The following FRYL variants were observed in gnomAD, a reference collection of about 807,000 sequenced individuals.
FRYL encodes the protein FRY like transcription coactivator.
A neutral mutation model predicts 351.2 loss-of-function variants in FRYL; 150 were observed. The observed-to-expected ratio is 0.43, with a 90% CI of 0.37 to 0.49. The LOEUF (loss-of-function observed/expected upper bound fraction) is 0.49. FRYL is among the 20% of genes least tolerant of loss of function. The pLI is 0.00. For missense variants in FRYL, 3,036 were observed against 3,619.3 expected, an observed-to-expected ratio of 0.84 and a Z score of 4.13; for synonymous variants, 1,153 against 1,257.1, an observed-to-expected ratio of 0.92 and a Z score of 1.75.
In FRYL at chr4:48,551,472, T is replaced by G. The variant is rs755747289; in HGVS notation, c.4520+22A>C. The G allele has an allele frequency of 3.3e-5, 47 of 1,416,560 alleles. No individual in the cohort carries two copies. In the Admixed American group the frequency reaches 7.5e-4, roughly 23 times the overall value. 87.7% of individuals were successfully genotyped at this position (1,416,560 alleles called of 1,614,324 possible). A position where few individuals can be genotyped will look rare whatever the true frequency, so the allele number is the denominator to read the frequency against. The stretch of plus-strand genomic sequence containing the variant: ...AGTATCTGTCAAACTGAAAGGCTAA[T>G]ACAGAACAGAGAAGTACTTACCTCT... On this transcript the variant is annotated intron_variant, in intron 37 of 63. Coordinates refer to ENST00000358350, the MANE Select transcript of FRYL (RefSeq NM_015030.2).
intron 50 of FRYL, among the ~76,000 whole-genome samples, chr4:48,530,537 A>C (rs1727322014): frequency 6.6e-6 from 1 of 152,146 alleles, no homozygotes; most frequent in Non-Finnish European, 1.5e-5. Context: ...AGATAAAACC[A>C]GTTTGTTACT....
At position 48,585,401 on chromosome 4, in the gene FRYL, G is replaced by A. The variant is rs189123539; in HGVS notation, c.1748+1220C>T. On this transcript the variant is annotated intron_variant, in intron 19 of 63. Coordinates refer to ENST00000358350, the MANE Select transcript of FRYL (RefSeq NM_015030.2). The stretch of plus-strand genomic sequence containing the variant: ...AGTGCCAGGGTGTGTGAAAAGCTAG[G>A]GAAGTGGGGAGAAAGGATTGCTGGA... Among the ~76,000 whole-genome samples the A allele has an allele frequency of 4.5e-3, 683 of 152,282 alleles. 10 individuals carry two copies. The highest frequency in any genetic ancestry group is 2.6e-3 in the Non-Finnish European group (179 of 68,022).
Position 48,662,439 on chromosome 4 carries a change from T to C in FRYL, c.-81+22234A>G, listed in dbSNP as rs1424450255. 2.0e-5 allele frequency among the ~76,000 whole-genome samples: 3 copies of C among 151,994 alleles called. No homozygotes were observed. In the East Asian group the frequency reaches 5.8e-4, roughly 29 times the overall value. ...AAAAAAAATAACAATAACAATAATA[T>C]TTTTTAAATAAAGTAAATTTAGAAA... On this transcript the variant is annotated intron_variant, in intron 3 of 63. Transcript: ENST00000358350.
intron 1 of FRYL, among the ~76,000 whole-genome samples, chr4:48,717,675 G>C (rs1432280768): frequency 6.6e-6 from 1 of 151,430 alleles, no homozygotes; most frequent in Non-Finnish European, 1.5e-5. Context: ...AGGGTACCTA[G>C]AAGTGCAGGA....
At chr4:48,582,843 A>T in intron 19 of FRYL, 109 bp from the exon 20 acceptor site, 1 of 726,094 alleles carries the variant, frequency 1.4e-6, no homozygotes, top group East Asian at 2.5e-5. Flanking sequence ...GTTGTTTTGT[A>T]AGAAATATGA....
intron 3 of FRYL, among the ~76,000 whole-genome samples, chr4:48,663,541 C>T (rs1761184923): frequency 6.6e-6 from 1 of 151,436 alleles, no homozygotes; most frequent in Non-Finnish European, 1.5e-5. Flanking sequence ...GATCTAAAAA[C>T]TGCAAAGAAT....
intron 1 of FRYL, among the ~76,000 whole-genome samples, chr4:48,736,764 C>T (rs181026628): frequency 1.4e-5 from 2 of 146,054 alleles, no homozygotes; most frequent in African/African-American, 5.0e-5. Flanking sequence ...GCAGGAGAAT[C>T]GCTTGTACCT....
At chr4:48,611,178 A>G (rs1748100797) in intron 7 of FRYL, among the ~76,000 whole-genome samples, 1 of 152,138 alleles carries the variant, frequency 6.6e-6, no homozygotes, top group Non-Finnish European at 1.5e-5. Context: ...ATTTGCATAT[A>G]ACACTACATA....
chr4:48,728,449 A>C (rs1320114896), intron 1 of FRYL, among the ~76,000 whole-genome samples: 1 of 152,148 alleles, frequency 6.6e-6, no homozygotes, highest in Non-Finnish European at 1.5e-5. Context: ...GGAGAGGAAC[A>C]GAAGAAATAC....
intron 1 of FRYL, among the ~76,000 whole-genome samples, chr4:48,757,768 G>A (rs1357121015): frequency 7.9e-5 from 12 of 152,216 alleles, no homozygotes; most frequent in East Asian, 7.7e-4. Flanking sequence ...AAAAGAGCCT[G>A]CATCGCCAAG....
intron 54 of FRYL, among the ~76,000 whole-genome samples, chr4:48,522,155 C>G (rs1481002783): frequency 6.6e-6 from 1 of 152,128 alleles, no homozygotes; most frequent in Non-Finnish European, 1.5e-5. Context: ...GTGGCATGCA[C>G]CTGTAGTCCT....
intron 1 of FRYL, among the ~76,000 whole-genome samples, chr4:48,742,992 T>TTTTTTTTTTTTTTTTTTTTTG: frequency 7.0e-6 from 1 of 141,964 alleles, no homozygotes; most frequent in Non-Finnish European, 1.5e-5. Flanking sequence ...TTTTTTTTTT[T>TTTTTTTTTTTTTTTTTTTTTG]TTTTTTACTA....
chr4:48,642,039 C>T (rs1211042148), intron 3 of FRYL, among the ~76,000 whole-genome samples: 1 of 152,042 alleles, frequency 6.6e-6, no homozygotes, highest in Non-Finnish European at 1.5e-5. Context: ...GGTTCATTTA[C>T]TGAAATTCTG....
At position 48,498,834 on chromosome 4, in the gene FRYL, A is replaced by ATAAT. The variant is rs1182556285; in HGVS notation, c.*584_*587dup. 2 of 153,602 alleles carry ATAAT rather than the reference A, an allele frequency of 1.3e-5. No homozygotes were observed. Among genetic ancestry groups the ATAAT allele is most frequent in the Non-Finnish European group, 2.9e-5 (2 of 68,776 alleles). The allele number at this position is 153,602 out of a possible 1,614,324, so 9.5% of individuals were successfully genotyped here. On this transcript the variant is annotated 3_prime_UTR_variant, in exon 64 of 64. Transcript: ENST00000358350. ...TCCATACATCCCAACTCACACACAC[A>ATAAT]TAATTCCTTATACAGACCAAAAAAC...
chr4:48,616,519 A>G (rs1383254996), intron 7 of FRYL, among the ~76,000 whole-genome samples: 1 of 152,156 alleles, frequency 6.6e-6, no homozygotes, highest in East Asian at 1.9e-4. Flanking sequence ...AACTTGCCCA[A>G]AGTTACAAAG....
rs567404372 is a variant in FRYL, at chr4:48,663,365, A to T, written c.-81+21308T>A. Among the ~76,000 whole-genome samples the T allele has an allele frequency of 1.5e-3, 223 of 150,746 alleles. 1 individual carries two copies. Among genetic ancestry groups the T allele is most frequent in the African/African-American group, 5.2e-3 (214 of 41,342 alleles). On this transcript the variant is annotated intron_variant, in intron 3 of 63. Transcript: ENST00000358350. ...AATTTAATTTAATTTATATATACAT[A>T]AAATAAGCCAAGAATAGAATAAATT...
intron 59 of FRYL, among the ~76,000 whole-genome samples, chr4:48,507,081 G>T (rs1224866615): frequency 6.6e-6 from 1 of 152,012 alleles, no homozygotes; most frequent in Non-Finnish European, 1.5e-5. Flanking sequence ...GCCTTATCTT[G>T]TCCAGTTTGT....
intron 53 of FRYL, 151 bp from the exon 54 acceptor site, chr4:48,523,255 T>A (rs1725282538): frequency 1.7e-6 from 1 of 594,582 alleles, no homozygotes; most frequent in South Asian, 2.1e-5. Context: ...TTCTTTAAAC[T>A]GTTAACACAC....
Position 48,715,322 on chromosome 4 carries a change from G to A in FRYL, c.-383-4624C>T, listed in dbSNP as rs1351541356. ...AAAGGGTATTCAATTAGGAAAAGAGGGAGTCAAATTGTCCCTGTTTGCAGA... is the reference window on the plus strand; with the variant it reads ...AAAGGGTATTCAATTAGGAAAAGAGAGAGTCAAATTGTCCCTGTTTGCAGA... On this transcript the variant is annotated intron_variant, in intron 1 of 63. Transcript: ENST00000358350. Among the ~76,000 whole-genome samples the A allele has an allele frequency of 7.9e-5, 12 of 152,156 alleles. No homozygotes were observed. The East Asian group carries it at 2.3e-3, about 29-fold the overall frequency.
Sources: gnomAD v4.1 joint callset for allele counts (sites outside exome capture counted in the v4.1 genomes callset) on GRCh38, gnomAD v4.1.1 for gene constraint, MANE v1.5 for transcripts, NCBI Gene and HGNC (gene_info 2026-07-23, HGNC 2026-07-21) for gene names.